Variants in PTPRD observed in about 807,000 individuals in gnomAD.
PTPRD encodes receptor-type tyrosine-protein phosphatase delta.
Under a neutral mutation model 214.5 loss-of-function variants are expected in PTPRD, and 34 were observed. The ratio of observed to expected loss-of-function variants is 0.16; its 90% CI spans 0.12 to 0.21. PTPRD has a LOEUF of 0.21. Ranked by LOEUF, PTPRD falls within the 10% of genes least tolerant of loss-of-function variation. The pLI, the probability that PTPRD is intolerant of heterozygous loss-of-function variation, is 1.00. For missense variants in PTPRD, 2,545 were observed against 2,398.7 expected, an observed-to-expected ratio of 1.06 and a Z score of -1.27; for synonymous variants, 1,128 against 845.7, an observed-to-expected ratio of 1.33 and a Z score of -5.79.
At chr9:9,326,079 G>A (rs917382540) in intron 9 of PTPRD, among the ~76,000 whole-genome samples, 6 of 151,976 alleles carry the variant, frequency 3.9e-5, no homozygotes, top group Non-Finnish European at 7.4e-5. Context: ...TTGATGTGCC[G>A]CAGGATTCCA....
intron 14 of PTPRD, among the ~76,000 whole-genome samples, chr9:8,621,873 A>C (rs1419682277): frequency 6.6e-6 from 1 of 151,982 alleles, no homozygotes; most frequent in African/African-American, 2.4e-5. Flanking sequence ...AGCCTTAAAA[A>C]GTAACTTATA....
intron 11 of PTPRD, among the ~76,000 whole-genome samples, chr9:8,744,300 A>C (rs1164351336): frequency 6.6e-6 from 1 of 152,208 alleles, no homozygotes; most frequent in East Asian, 1.9e-4. Flanking sequence ...ACTACTAAGT[A>C]TCTACCTAGA....
intron 5 of PTPRD, among the ~76,000 whole-genome samples, chr9:9,914,672 A>G (rs1416492496): frequency 6.6e-6 from 1 of 152,136 alleles, no homozygotes; most frequent in Non-Finnish European, 1.5e-5. Context: ...CAGACCAGCC[A>G]AGAGAGCATG....
chr9:10,346,299 G>A (rs1414859346), intron 2 of PTPRD, among the ~76,000 whole-genome samples: 1 of 152,072 alleles, frequency 6.6e-6, no homozygotes, highest in Non-Finnish European at 1.5e-5. Context: ...TTATGTCCAG[G>A]AATGAACATG....
intron 9 of PTPRD, among the ~76,000 whole-genome samples, chr9:9,251,873 T>C (rs531329044): frequency 3.5e-4 from 53 of 152,242 alleles, no homozygotes; most frequent in African/African-American, 1.3e-3. Flanking sequence ...TAACTACGCA[T>C]TGGGCCACCT....
At chr9:9,037,309 A>G (rs2099625094) in intron 10 of PTPRD, among the ~76,000 whole-genome samples, 1 of 152,158 alleles carries the variant, frequency 6.6e-6, no homozygotes. Context: ...ATGTATGTTT[A>G]TATGTCACTT....
At chr9:8,764,603 C>A (rs149422796) in intron 11 of PTPRD, among the ~76,000 whole-genome samples, 1,853 of 152,060 alleles carry the variant, frequency 0.012, 36 homozygotes, top group African/African-American at 0.043. Flanking sequence ...CAAGACTAGC[C>A]TGGCCAACAT....
At chr9:8,753,561 T>A (rs752738982) in intron 11 of PTPRD, among the ~76,000 whole-genome samples, 1 of 150,244 alleles carries the variant, frequency 6.7e-6, no homozygotes, top group Non-Finnish European at 1.5e-5. Context: ...GCTAGTCAAC[T>A]TGACTAGTTA....
chr9:8,897,375 T>C (rs1566893624), intron 11 of PTPRD, among the ~76,000 whole-genome samples: 1 of 152,084 alleles, frequency 6.6e-6, no homozygotes, highest in Non-Finnish European at 1.5e-5. Context: ...GGAATTTAGA[T>C]AAGAAGACAG....
Position 8,948,469 on chromosome 9 carries a change from A to ATATATATTTATATATATATT in PTPRD, c.-104+70227_-104+70228insAATATATATATAAATATATA, listed in dbSNP as rs1567182693. 2.1e-3 allele frequency among the ~76,000 whole-genome samples: 15 copies of ATATATATTTATATATATATT among 7,048 alleles called. 2 individuals are homozygous for ATATATATTTATATATATATT. Among genetic ancestry groups the ATATATATTTATATATATATT allele is most frequent in the African/African-American group, 5.6e-3 (15 of 2,674 alleles). 4.6% of individuals were successfully genotyped at this position (7,048 alleles called of 152,430 possible). A position where few individuals can be genotyped will look rare whatever the true frequency, so the allele number is the denominator to read the frequency against. The stretch of plus-strand genomic sequence containing the variant: ...TATATATATTTATATATATATTTAC[A>ATATATATTTATATATATATT]TATATATATATTTATATATATATTT... On this transcript the variant is annotated intron_variant, in intron 11 of 45. Coordinates refer to ENST00000381196, the MANE Select transcript of PTPRD (RefSeq NM_002839.4).
intron 2 of PTPRD, among the ~76,000 whole-genome samples, chr9:10,380,874 A>C (rs1167556149): frequency 3.3e-5 from 5 of 151,974 alleles, no homozygotes; most frequent in Non-Finnish European, 7.4e-5. Flanking sequence ...TGCTATGATC[A>C]GAATAGTTTT....
chr9:8,812,839 T>G (rs1178540597), intron 11 of PTPRD, among the ~76,000 whole-genome samples: 1 of 151,630 alleles, frequency 6.6e-6, no homozygotes, highest in East Asian at 1.9e-4. Flanking sequence ...TGCCCACATC[T>G]TAAGGAAAAC....
chr9:9,308,449 A>G (rs1957827162), intron 9 of PTPRD, among the ~76,000 whole-genome samples: 1 of 152,180 alleles, frequency 6.6e-6, no homozygotes, highest in Admixed American at 6.5e-5. Flanking sequence ...ATTTAATATC[A>G]TGTTACTTAT....
At chr9:10,423,903 C>T (rs991490434) in intron 2 of PTPRD, among the ~76,000 whole-genome samples, 1 of 151,846 alleles carries the variant, frequency 6.6e-6, no homozygotes, top group African/African-American at 2.4e-5. Flanking sequence ...GTATTTTTTC[C>T]CTTTTCTTTT....
rs562251319 is a variant in PTPRD, at chr9:8,562,744, T to C, written c.353-33965A>G. On this transcript the variant is annotated intron_variant, in intron 14 of 45. Coordinates refer to ENST00000381196, the MANE Select transcript of PTPRD (RefSeq NM_002839.4). ...GAGCCACTGTGCCTGGCCAATAATATGTTTTGAGGAGAAAATTTTAATGCA... is the reference window on the plus strand; with the variant it reads ...GAGCCACTGTGCCTGGCCAATAATACGTTTTGAGGAGAAAATTTTAATGCA... 1.2e-4 allele frequency among the ~76,000 whole-genome samples: 18 copies of C among 152,192 alleles called. No homozygotes were observed. In the East Asian group the frequency reaches 3.1e-3, roughly 26 times the overall value.
chr9:8,817,874 T>C (rs10511510), intron 11 of PTPRD, among the ~76,000 whole-genome samples: 105,435 of 151,986 alleles, frequency 0.69, 36,878 homozygotes, highest in Middle Eastern at 0.79. Flanking sequence ...CAACTAAGAC[T>C]GGGTTGGAAA....
intron 9 of PTPRD, among the ~76,000 whole-genome samples, chr9:9,214,496 T>A (rs1342084147): frequency 6.6e-6 from 1 of 151,898 alleles, no homozygotes; most frequent in South Asian, 2.1e-4. Flanking sequence ...TTTTTTTTTT[T>A]TTAACTTCTA....
chr9:8,556,058 G>A (rs2083655238), intron 14 of PTPRD, among the ~76,000 whole-genome samples: 1 of 152,172 alleles, frequency 6.6e-6, no homozygotes, highest in Non-Finnish European at 1.5e-5. Flanking sequence ...AAACATCTGG[G>A]CTGTTACATT....
rs10976945 is a variant in PTPRD, at chr9:8,316,838, A to C, written c.*1036T>G. ...ATGTCAAAAAATTAAGAATAAATGG[A>C]AAGAGATGTTTACAATAGCTTTTCT... On this transcript the variant is annotated 3_prime_UTR_variant, in exon 46 of 46. Transcript: ENST00000381196. The C allele has an allele frequency of 9.8e-3, 2,258 of 231,120 alleles. 54 individuals are homozygous for C. The highest frequency in any genetic ancestry group is 0.045 in the African/African-American group (2,049 of 45,090). 14.3% of individuals were successfully genotyped at this position (231,120 alleles called of 1,614,324 possible). A position where few individuals can be genotyped will look rare whatever the true frequency, so the allele number is the denominator to read the frequency against.
Sources: gnomAD v4.1 joint callset for allele counts (sites outside exome capture counted in the v4.1 genomes callset) on GRCh38, gnomAD v4.1.1 for gene constraint, MANE v1.5 for transcripts, NCBI Gene and HGNC (gene_info 2026-07-23, HGNC 2026-07-21) for gene names.